The following DHX36 variants were observed in gnomAD, a reference collection of about 807,000 sequenced individuals.
DHX36 encodes DEAH-box helicase 36.
DHX36 carries 50 observed loss-of-function variants against 139.0 expected under a neutral mutation model. The observed-to-expected ratio is 0.36, with a 90% CI of 0.29 to 0.46. The LOEUF (loss-of-function observed/expected upper bound fraction) is 0.46. DHX36 is among the 20% of genes least tolerant of loss of function. The pLI, the probability that DHX36 is intolerant of heterozygous loss-of-function variation, is 1.00. For synonymous variants in DHX36, 425 were observed against 401.9 expected (o/e 1.06, Z -0.69); for missense variants, 1,024 against 1,211.3 (o/e 0.85, Z 2.29).
At chr3:154,277,278 A>G (rs1036077291) in intron 23 of DHX36, among the ~76,000 whole-genome samples, 4 of 152,208 alleles carry the variant, frequency 2.6e-5, no homozygotes, top group African/African-American at 9.6e-5. Flanking sequence ...CTTATAAGGT[A>G]TACTGACATG....
At chr3:154,279,440 T>G (rs1292002399) in intron 22 of DHX36, 1 of 152,222 alleles carries the variant, frequency 6.6e-6, no homozygotes, top group Admixed American at 6.5e-5. Context: ...TGACTCACTG[T>G]TAAGCTACCT....
intron 12 of DHX36, among the ~76,000 whole-genome samples, chr3:154,297,460 C>A (rs960959434): frequency 6.6e-6 from 1 of 152,146 alleles, no homozygotes; most frequent in African/African-American, 2.4e-5. Flanking sequence ...CGCCCGCAAT[C>A]CCAGCACTTT....
In DHX36 at chr3:154,280,830, C is replaced by T. The variant is rs115358645; in HGVS notation, c.2409G>A (p.Glu803=). Residue 803 remains glutamate (E), a synonymous_variant, in exon 21 of 25, where the codon GAG becomes GAA. Coordinates refer to ENST00000496811, the MANE Select transcript of DHX36 (RefSeq NM_020865.3). ...MLHNMKGQFA[E]HLLGAGFVSS... is the part of the protein sequence containing the mutation. Reference sequence around the variant, plus strand: ...TTACAAATCCAGCTCCAAGAAGATGCTCAGCAAACTGTCCTTTCATGTTAT... The same window carrying T: ...TTACAAATCCAGCTCCAAGAAGATGTTCAGCAAACTGTCCTTTCATGTTAT... 7.9e-5 allele frequency: 127 copies of T among 1,613,486 alleles called. No individual in the cohort carries two copies. In the African/African-American group the frequency reaches 1.6e-3, roughly 20 times the overall value.
In DHX36 at chr3:154,290,296, G is replaced by A. The variant is rs138246255; in HGVS notation, c.1815-470C>T. 8.1e-3 allele frequency among the ~76,000 whole-genome samples: 1,232 copies of A among 152,222 alleles called. 17 individuals carry two copies. Among genetic ancestry groups the A allele is most frequent in the African/African-American group, 0.027 (1,137 of 41,516 alleles). ...GGGATATTAAAAGTTTCTGTTTTAT[G>A]TATGTAACTAGAGCCATGAATGATA... On this transcript the variant is annotated intron_variant, in intron 15 of 24. Coordinates refer to ENST00000496811, the MANE Select transcript of DHX36 (RefSeq NM_020865.3).
Position 154,303,523 on chromosome 3 carries a change from C to A in DHX36, c.1136-113G>T, listed in dbSNP as rs1338881021. On this transcript the variant is annotated intron_variant, in intron 8 of 24. Coordinates refer to ENST00000496811, the MANE Select transcript of DHX36 (RefSeq NM_020865.3). ...CTTACTATTAATTCCAGAAAATGGTCCTGTAGCTTTTACAATTCTACCCTA... is the reference window on the plus strand; with the variant it reads ...CTTACTATTAATTCCAGAAAATGGTACTGTAGCTTTTACAATTCTACCCTA... 7 of 745,250 alleles carry A rather than the reference C, an allele frequency of 9.4e-6. No homozygotes were observed. In the South Asian group the frequency reaches 1.3e-4, roughly 13 times the overall value. The allele number at this position is 745,250 out of a possible 1,614,324, so 46.2% of individuals were successfully genotyped here. A position where few individuals can be genotyped will look rare whatever the true frequency, so the allele number is the denominator to read the frequency against.
rs1030692661 is a variant in DHX36 at position 154,272,763 on chromosome 3, C to T, written c.*3408G>A. On this transcript the variant is annotated 3_prime_UTR_variant, in exon 25 of 25. Coordinates refer to ENST00000496811, the MANE Select transcript of DHX36 (RefSeq NM_020865.3). ...AAAAATATATAAGTATACATGATCA[C>T]AATGACTTATAAATAAATACAAACT... 7.9e-5 allele frequency: 12 copies of T among 151,924 alleles called. No homozygotes were observed. The highest frequency in any genetic ancestry group is 2.9e-4 in the African/African-American group (12 of 41,386). The allele number at this position is 151,924 out of a possible 1,614,324, so 9.4% of individuals were successfully genotyped here.
chr3:154,314,906 CGAAAA>C (rs1712902904), intron 3 of DHX36, 135 bp downstream of exon 3: 4 of 573,304 alleles, frequency 7.0e-6, no homozygotes, highest in South Asian at 6.8e-5. Flanking sequence ...CTCTACCATT[CGAAAA>C]GAAATTAATT....
At chr3:154,291,074 G>A (rs1711784247) in intron 15 of DHX36, among the ~76,000 whole-genome samples, 2 of 130,502 alleles carry the variant, frequency 1.5e-5, no homozygotes, top group African/African-American at 5.7e-5. Context: ...GGCGGAGCTT[G>A]CAGTGAGCCG....
intron 24 of DHX36, 64 bp from the exon 25 acceptor site, chr3:154,276,420 TGAAAC>T: frequency 1.4e-6 from 2 of 1,439,822 alleles, no homozygotes; most frequent in Non-Finnish European, 1.9e-6. Context: ...ACATAATAAA[TGAAAC>T]TAATTTACCT....
chr3:154,317,465 G>C (rs1385565437), intron 1 of DHX36, among the ~76,000 whole-genome samples: 1 of 151,992 alleles, frequency 6.6e-6, no homozygotes, highest in East Asian at 1.9e-4. Flanking sequence ...CAAAGATGAG[G>C]ACAGACGGAT....
rs759935108 is a variant in DHX36 at position 154,292,709 on chromosome 3, G to T, written c.1671-15C>A. On this transcript the variant is annotated splice_polypyrimidine_tract_variant and intron_variant, in intron 14 of 24. Transcript: ENST00000496811. ...CTATGGTAATGCTGTTTGGAAAACA[G>T]ATATATAAAATGTTAAAACACACAC... 2.4e-5 allele frequency: 39 copies of T among 1,602,762 alleles called. 1 individual carries two copies. Among genetic ancestry groups the T allele is most frequent in the Middle Eastern group, 1.6e-4 (1 of 6,062 alleles).
At chr3:154,302,071 TAAA>T (rs773742984) in intron 9 of DHX36, among the ~76,000 whole-genome samples, 4 of 103,496 alleles carry the variant, frequency 3.9e-5, no homozygotes, top group Non-Finnish European at 6.4e-5. Context: ...TGTGATAAAG[TAAA>T]AAAAAAAAAA....
intron 17 of DHX36, among the ~76,000 whole-genome samples, chr3:154,288,201 A>G (rs1711626296): frequency 6.6e-6 from 1 of 151,742 alleles, no homozygotes; most frequent in Non-Finnish European, 1.5e-5. Flanking sequence ...TAGCTAAAGC[A>G]ACAATACATT....
chr3:154,294,711 TG>T lies in DHX36; in HGVS notation c.1605+572del, dbSNP rs200948991. 1.0e-2 allele frequency among the ~76,000 whole-genome samples: 1,519 copies of T among 152,088 alleles called. 26 individuals are homozygous for T. Among genetic ancestry groups the T allele is most frequent in the African/African-American group, 0.035 (1,454 of 41,504 alleles). On this transcript the variant is annotated intron_variant, in intron 13 of 24. Transcript: ENST00000496811. ...AAAAGAGAAAAGGATAAACTAGAAATGGGGGGAGGAGCAGGTTTTCTAATCA... is the reference window on the plus strand; with the variant it reads ...AAAAGAGAAAAGGATAAACTAGAAATGGGGGAGGAGCAGGTTTTCTAATCA...
At chr3:154,286,220 T>C (rs2666192) in intron 17 of DHX36, among the ~76,000 whole-genome samples, 131,246 of 144,648 alleles carry the variant, frequency 0.91, 59,760 homozygotes, top group East Asian at 1. Context: ...CTCTCAATGA[T>C]TTGCTGATAG....
intron 6 of DHX36, 50 bp downstream of exon 6, chr3:154,306,166 T>G (rs1412612997): frequency 1.5e-6 from 2 of 1,342,128 alleles, no homozygotes; most frequent in Non-Finnish European, 2.1e-6. Context: ...ATCTCCAGCT[T>G]CAAAGTTTCA....
chr3:154,320,061 C>T (rs1713131838), intron 1 of DHX36, among the ~76,000 whole-genome samples: 1 of 152,162 alleles, frequency 6.6e-6, no homozygotes, highest in Non-Finnish European at 1.5e-5. Flanking sequence ...CATCAACGAC[C>T]TTGTTGATAA....
chr3:154,324,269 TGCCGCCTCGACCACCCCCTCCGCCGCC>T lies in DHX36; in HGVS notation c.121_147del (p.Gly41_Gly49del), dbSNP rs774006523. ...TTCAGGTGCCCGGGATGCCGGCCCC[TGCCGCCTCGACCACCCCCTCCGCCGCC>T]GCCGCCTCCTCCGGAGCCTCGGTTA... On this transcript the variant is annotated inframe_deletion, in exon 1 of 25. Transcript: ENST00000496811. 1 of 1,613,466 alleles carries T rather than the reference TGCCGCCTCGACCACCCCCTCCGCCGCC, an allele frequency of 6.2e-7. No homozygotes were observed. The highest frequency in any genetic ancestry group is 8.5e-7 in the Non-Finnish European group (1 of 1,179,770).
chr3:154,287,486 C>G (rs920130389), intron 17 of DHX36, among the ~76,000 whole-genome samples: 1 of 151,936 alleles, frequency 6.6e-6, no homozygotes, highest in Admixed American at 6.6e-5. Flanking sequence ...GAAACCCCAT[C>G]TCTACGAAAA....
Sources: gnomAD v4.1 joint callset for allele counts (sites outside exome capture counted in the v4.1 genomes callset) on GRCh38, gnomAD v4.1.1 for gene constraint, MANE v1.5 for transcripts, NCBI Gene and HGNC (gene_info 2026-07-23, HGNC 2026-07-21) for gene names.